NRG3: variants seen among roughly 807,000 people sequenced by gnomAD.
NRG3 encodes the protein neuregulin 3.
NRG3 carries 31 observed loss-of-function variants against 66.9 expected under a neutral mutation model. That is an observed-to-expected ratio of 0.46 (90% CI 0.35 to 0.63). The LOEUF is 0.63. Ranked by LOEUF, NRG3 falls within the 20% of genes least tolerant of loss-of-function variation. The pLI is 0.00. For synonymous variants in NRG3, 393 were observed against 359.4 expected (o/e 1.09, Z -1.06); for missense variants, 910 against 878.9 (o/e 1.04, Z -0.45).
chr10:82,405,385 T>C (rs572071784), intron 2 of NRG3, among the ~76,000 whole-genome samples: 1 of 151,528 alleles, frequency 6.6e-6, no homozygotes, highest in South Asian at 2.1e-4. Flanking sequence ...TAGGAAGAGA[T>C]CACGTGTTAA....
intron 1 of NRG3, among the ~76,000 whole-genome samples, chr10:81,970,268 A>G (rs190967847): frequency 1.5e-3 from 226 of 152,300 alleles, no homozygotes; most frequent in African/African-American, 5.3e-3. Context: ...CCTGGCATTT[A>G]CTGGTAAATC....
At chr10:82,608,701 A>T (rs2048118930) in intron 2 of NRG3, among the ~76,000 whole-genome samples, 1 of 152,094 alleles carries the variant, frequency 6.6e-6, no homozygotes, top group African/African-American at 2.4e-5. Flanking sequence ...GGCTGGAGGG[A>T]GCTGGAGTTG....
At chr10:82,202,253 T>G (rs1004315768) in intron 1 of NRG3, among the ~76,000 whole-genome samples, 1 of 152,288 alleles carries the variant, frequency 6.6e-6, no homozygotes, top group South Asian at 2.1e-4. Context: ...GCTGAGGTGT[T>G]GAAGCTTTGA....
intron 2 of NRG3, among the ~76,000 whole-genome samples, chr10:82,464,934 C>T (rs183294266): frequency 6.6e-6 from 1 of 152,146 alleles, no homozygotes; most frequent in African/African-American, 2.4e-5. Flanking sequence ...GCAAGAGGAG[C>T]TAGGCCAGGA....
chr10:82,003,340 A>G (rs1444388271), intron 1 of NRG3, among the ~76,000 whole-genome samples: 1 of 152,204 alleles, frequency 6.6e-6, no homozygotes, highest in Non-Finnish European at 1.5e-5. Context: ...ATAATTCTTT[A>G]GAGGAGTTAA....
At chr10:82,940,912 G>A (rs1057096008) in intron 4 of NRG3, among the ~76,000 whole-genome samples, 20 of 152,026 alleles carry the variant, frequency 1.3e-4, no homozygotes, top group Admixed American at 1.0e-3. Flanking sequence ...CATAGCAGAC[G>A]CTATACTCAA....
intron 1 of NRG3, among the ~76,000 whole-genome samples, chr10:82,332,951 A>G (rs1189668417): frequency 1.3e-5 from 2 of 152,220 alleles, no homozygotes; most frequent in South Asian, 4.1e-4. Context: ...TAACAAAAAA[A>G]GAATGTTTTT....
intron 1 of NRG3, among the ~76,000 whole-genome samples, chr10:82,160,397 G>A (rs1334567117): frequency 6.6e-6 from 1 of 151,878 alleles, no homozygotes; most frequent in East Asian, 1.9e-4. Flanking sequence ...AGGTTCCTGG[G>A]AAAAGTCATA....
chr10:82,571,421 GTATT>G (rs1215719034), intron 2 of NRG3, among the ~76,000 whole-genome samples: 3 of 151,744 alleles, frequency 2.0e-5, no homozygotes, highest in African/African-American at 7.2e-5. Flanking sequence ...TTATGGAGCA[GTATT>G]TATTATTATA....
chr10:81,884,664 T>A (rs1842465247), intron 1 of NRG3, among the ~76,000 whole-genome samples: 2 of 152,186 alleles, frequency 1.3e-5, no homozygotes, highest in Admixed American at 6.6e-5. Context: ...GAGGCTATCC[T>A]TAGGTTATAT....
At chr10:82,073,788 A>G (rs965838373) in intron 1 of NRG3, among the ~76,000 whole-genome samples, 2 of 152,216 alleles carry the variant, frequency 1.3e-5, no homozygotes, top group Non-Finnish European at 2.9e-5. Context: ...GTTTCCTAGT[A>G]TTGGAATTGT....
chr10:82,716,420 G>A (rs1297745448), intron 2 of NRG3, among the ~76,000 whole-genome samples: 1 of 152,100 alleles, frequency 6.6e-6, no homozygotes, highest in East Asian at 1.9e-4. Flanking sequence ...GTTAAGGCAG[G>A]TGGGAACCTT....
At chr10:82,694,193 G>A (rs1644267981) in intron 2 of NRG3, among the ~76,000 whole-genome samples, 1 of 152,004 alleles carries the variant, frequency 6.6e-6, no homozygotes, top group Non-Finnish European at 1.5e-5. Context: ...GTGCTGATTG[G>A]TGCATTTAGA....
chr10:82,262,865 G>T (rs549730733), intron 1 of NRG3, among the ~76,000 whole-genome samples: 1 of 152,236 alleles, frequency 6.6e-6, no homozygotes, highest in Non-Finnish European at 1.5e-5. Flanking sequence ...TAAAAAGCTT[G>T]TCCAAAGTAT....
intron 1 of NRG3, among the ~76,000 whole-genome samples, chr10:82,327,246 C>A (rs2135222819): frequency 6.6e-6 from 1 of 152,214 alleles, no homozygotes; most frequent in African/African-American, 2.4e-5. Context: ...ATGGCCTGAG[C>A]ATCAGTGGTA....
intron 1 of NRG3, among the ~76,000 whole-genome samples, chr10:81,971,801 A>T (rs1206580280): frequency 6.6e-6 from 1 of 152,210 alleles, no homozygotes; most frequent in South Asian, 2.1e-4. Flanking sequence ...AGGACAAAGT[A>T]CTGGAGAGAA....
chr10:81,883,030 C>T (rs1261697533), intron 1 of NRG3, among the ~76,000 whole-genome samples: 1 of 152,096 alleles, frequency 6.6e-6, no homozygotes, highest in Non-Finnish European at 1.5e-5. Flanking sequence ...TCTAAACATT[C>T]TTGATAAAGC....
At chr10:82,836,808 G>C (rs889395764) in intron 3 of NRG3, among the ~76,000 whole-genome samples, 1 of 151,368 alleles carries the variant, frequency 6.6e-6, no homozygotes, top group African/African-American at 2.4e-5. Flanking sequence ...ATGTATACAT[G>C]TGCCACATGT....
chr10:82,862,958 G>A (rs1207278846), intron 3 of NRG3, among the ~76,000 whole-genome samples: 4 of 152,044 alleles, frequency 2.6e-5, no homozygotes, highest in South Asian at 2.1e-4. Flanking sequence ...CTGTCATGTA[G>A]GTTTTAAGCC....
Sources: gnomAD v4.1 joint callset for allele counts (sites outside exome capture counted in the v4.1 genomes callset) on GRCh38, gnomAD v4.1.1 for gene constraint, MANE v1.5 for transcripts, NCBI Gene and HGNC (gene_info 2026-07-23, HGNC 2026-07-21) for gene names.